CCDC7: variants seen among roughly 807,000 people sequenced by gnomAD.
CCDC7 encodes coiled-coil domain containing 7, also known as coiled-coil domain-containing protein 7.
A neutral mutation model predicts 196.9 loss-of-function variants in CCDC7; 183 were observed. The ratio of observed to expected loss-of-function variants is 0.93; its 90% CI spans 0.82 to 1.05. CCDC7 has a LOEUF of 1.05. CCDC7 is among the 50% of genes least tolerant of loss of function. CCDC7 has a pLI of 0.00. For missense variants in CCDC7, 1,540 were observed against 1,482.2 expected (o/e 1.04, Z -0.64); for synonymous variants, 525 against 484.6 (o/e 1.08, Z -1.10).
intron 23 of CCDC7, among the ~76,000 whole-genome samples, chr10:32,692,906 A>G (rs969292875): frequency 6.6e-6 from 1 of 152,098 alleles, no homozygotes; most frequent in Non-Finnish European, 1.5e-5. Context: ...GCTGTTTTCC[A>G]TTTTATGGAC....
chr10:32,861,115 C>CAAAAAAAAAAA lies in CCDC7; in HGVS notation c.4111+6635_4111+6645dup, dbSNP rs142801821. ...CCTGCATAGCCAAGACAATCATAAG[C>CAAAAAAAAAAA]AAAAAAAAAAAAAAAAAAAGAAAGC... On this transcript the variant is annotated intron_variant, in intron 41 of 41. Coordinates refer to ENST00000639629, the Ensembl canonical transcript of CCDC7. Among the ~76,000 whole-genome samples the CAAAAAAAAAAA allele has an allele frequency of 4.2e-4, 41 of 97,076 alleles. 1 individual carries two copies. The highest frequency in any genetic ancestry group is 5.1e-4 in the African/African-American group (13 of 25,246). 63.7% of individuals were successfully genotyped at this position (97,076 alleles called of 152,430 possible).
chr10:32,585,327 C>A (rs1454213416), intron 18 of CCDC7, among the ~76,000 whole-genome samples: 3 of 152,170 alleles, frequency 2.0e-5, no homozygotes, highest in Non-Finnish European at 4.4e-5. Flanking sequence ...CCCGCCTTGG[C>A]CTCCCAAAGT....
At chr10:32,882,607 T>C (rs2094832082) in intron 22 of CCDC7, 86 bp from the exon 44 acceptor site, 1 of 152,160 alleles carries the variant, frequency 6.6e-6, no homozygotes, top group East Asian at 1.9e-4. Context: ...TGCACAAGAC[T>C]GAACATTTCA....
At chr10:32,850,830 A>G (rs561086030) in intron 39 of CCDC7, among the ~76,000 whole-genome samples, 12 of 149,876 alleles carry the variant, frequency 8.0e-5, no homozygotes, top group Non-Finnish European at 1.5e-4. Context: ...GAGACATGCA[A>G]TGTAACAGTG....
chr10:32,705,628 A>G (rs944595117), intron 24 of CCDC7, among the ~76,000 whole-genome samples: 14 of 152,170 alleles, frequency 9.2e-5, no homozygotes, highest in African/African-American at 3.1e-4. Context: ...AGGAAGATCT[A>G]CCAAGAAAAT....
upstream of CCDC7, chr10:32,451,551 G>C: frequency 6.8e-7 from 1 of 1,471,608 alleles, no homozygotes; most frequent in Non-Finnish European, 9.0e-7. Flanking sequence ...AATTTAATTA[G>C]AGCCTGGTGT....
exon 19 of CCDC7, chr10:32,634,259 A>C (rs2065284265): frequency 1.4e-5 from 17 of 1,194,716 alleles, no homozygotes; most frequent in Non-Finnish European, 1.7e-5. Flanking sequence ...TGTAGCTGAC[A>C]GTGAAGTTCC....
At chr10:32,540,128 A>G (rs1425190571) in intron 11 of CCDC7, among the ~76,000 whole-genome samples, 1 of 145,800 alleles carries the variant, frequency 6.9e-6, no homozygotes, top group African/African-American at 2.4e-5. Flanking sequence ...ATCTCCCACT[A>G]TTATTGTGTG....
intron 20 of CCDC7, among the ~76,000 whole-genome samples, chr10:32,645,899 CTT>C (rs1191926648): frequency 6.6e-6 from 1 of 151,944 alleles, no homozygotes; most frequent in Non-Finnish European, 1.5e-5. Flanking sequence ...CTTTTCTTCT[CTT>C]GTTTTAGTTA....
chr10:32,515,437 T>C (rs2046862983), intron 9 of CCDC7, among the ~76,000 whole-genome samples: 1 of 152,200 alleles, frequency 6.6e-6, no homozygotes, highest in African/African-American at 2.4e-5. Context: ...GAACAATTGA[T>C]TTTCAAGGTA....
chr10:32,650,376 C>T (rs2068525114), intron 20 of CCDC7, among the ~76,000 whole-genome samples: 2 of 152,210 alleles, frequency 1.3e-5, no homozygotes, highest in Admixed American at 1.3e-4. Context: ...CTTTGTGCAT[C>T]TTCACATTTG....
chr10:32,867,762 A>C (rs2094256642), intron 41 of CCDC7, among the ~76,000 whole-genome samples: 1 of 151,812 alleles, frequency 6.6e-6, no homozygotes, highest in Non-Finnish European at 1.5e-5. Flanking sequence ...AATTTTAGTA[A>C]ACATACATTA....
intron 29 of CCDC7, among the ~76,000 whole-genome samples, chr10:32,802,581 C>G (rs2085026981): frequency 6.6e-6 from 1 of 152,110 alleles, no homozygotes; most frequent in Non-Finnish European, 1.5e-5. Context: ...GATATATAGA[C>G]AAAAGGGAGT....
intron 16 of CCDC7, among the ~76,000 whole-genome samples, chr10:32,578,363 A>AC (rs1224966601): frequency 1.3e-5 from 2 of 151,914 alleles, no homozygotes; most frequent in Non-Finnish European, 2.9e-5. Flanking sequence ...TGATTCAAGC[A>AC]CATTACCTTT....
chr10:32,730,964 A>C (rs1402752137), intron 28 of CCDC7, among the ~76,000 whole-genome samples: 1 of 151,806 alleles, frequency 6.6e-6, no homozygotes, highest in Non-Finnish European at 1.5e-5. Flanking sequence ...CATCCACTGA[A>C]CTCATTTTTT....
intron 31 of CCDC7, among the ~76,000 whole-genome samples, chr10:32,819,601 CA>C (rs906195829): frequency 1.9e-4 from 29 of 152,288 alleles, no homozygotes; most frequent in African/African-American, 6.5e-4. Flanking sequence ...AGCAGCACAT[CA>C]AAAAGCTTAT....
intron 29 of CCDC7, among the ~76,000 whole-genome samples, chr10:32,795,537 TCTC>T (rs1435361620): frequency 1.7e-4 from 26 of 152,214 alleles, no homozygotes. Context: ...GTCGGAAAAC[TCTC>T]ATCATCTCAT....
intron 24 of CCDC7, among the ~76,000 whole-genome samples, chr10:32,708,741 C>T (rs895718148): frequency 6.6e-6 from 1 of 152,184 alleles, no homozygotes; most frequent in East Asian, 1.9e-4. Context: ...CACTGGCCGT[C>T]AGAGAAATGC....
intron 24 of CCDC7, among the ~76,000 whole-genome samples, chr10:32,709,160 T>C (rs550561914): frequency 6.6e-6 from 1 of 152,212 alleles, no homozygotes; most frequent in Admixed American, 6.5e-5. Flanking sequence ...GATGAGTTCA[T>C]GTCCTTTGTA....
Sources: allele counts gnomAD v4.1 joint callset (sites outside exome capture counted in the v4.1 genomes callset), GRCh38; gene constraint gnomAD v4.1.1; transcripts MANE v1.5; gene names NCBI Gene and HGNC (gene_info 2026-07-23, HGNC 2026-07-21).